Variants in LTBP1 observed in about 807,000 individuals in gnomAD.
LTBP1 encodes latent transforming growth factor beta binding protein 1.
LTBP1 carries 129 observed loss-of-function variants against 207.6 expected under a neutral mutation model. That is an observed-to-expected ratio of 0.62 (90% CI 0.54 to 0.72). The LOEUF (loss-of-function observed/expected upper bound fraction) is 0.72. Among genes scored for constraint, LTBP1 ranks in the 30% least tolerant of loss-of-function variants. The probability of loss-of-function intolerance (pLI) is 0.00; values close to 1 mark genes in which losing one functional copy is unlikely to be tolerated. For synonymous variants in LTBP1, 963 were observed against 833.7 expected (o/e 1.16, Z -2.67); for missense variants, 2,281 against 2,217.2 (o/e 1.03, Z -0.58).
intron 31 of LTBP1, among the ~76,000 whole-genome samples, chr2:33,384,400 G>A (rs781400006): frequency 5.3e-5 from 8 of 152,220 alleles, no homozygotes; most frequent in Non-Finnish European, 7.4e-5. Context: ...GCAGTGGGTC[G>A]GGGAGGGTCT....
chr2:33,398,638 G>A lies in LTBP1; in HGVS notation c.*93G>A. ...TACTTGAGACATTGCACCTACCCCGGAAGGCTGGAAATACAGAAACAGCAT... is the reference window on the plus strand; with the variant it reads ...TACTTGAGACATTGCACCTACCCCGAAAGGCTGGAAATACAGAAACAGCAT... On this transcript the variant is annotated 3_prime_UTR_variant, in exon 34 of 34. Transcript: ENST00000404816. The A allele has an allele frequency of 1.6e-6, 2 of 1,256,450 alleles. No individual in the cohort carries two copies. The highest frequency in any genetic ancestry group is 1.6e-5 in the South Asian group (1 of 60,936). The allele number at this position is 1,256,450 out of a possible 1,614,324, so 77.8% of individuals were successfully genotyped here. A position where few individuals can be genotyped will look rare whatever the true frequency, so the allele number is the denominator to read the frequency against.
At chr2:33,063,802 T>C (rs1447969713) in intron 3 of LTBP1, among the ~76,000 whole-genome samples, 6 of 152,136 alleles carry the variant, frequency 3.9e-5, no homozygotes, top group Admixed American at 3.9e-4. Context: ...GTTTTCAGTA[T>C]AGAGATTTCT....
intron 24 of LTBP1, among the ~76,000 whole-genome samples, chr2:33,329,798 T>G (rs1178146946): frequency 6.6e-6 from 1 of 152,138 alleles, no homozygotes; most frequent in Non-Finnish European, 1.5e-5. Flanking sequence ...ATAATAAATT[T>G]TAATGTTTTC....
intron 3 of LTBP1, among the ~76,000 whole-genome samples, chr2:33,032,168 T>C (rs1022373419): frequency 1.3e-5 from 2 of 152,234 alleles, no homozygotes; most frequent in African/African-American, 2.4e-5. Context: ...TCTTATCCTC[T>C]TTAGGAACAG....
intron 9 of LTBP1, among the ~76,000 whole-genome samples, chr2:33,239,503 A>G (rs1347888746): frequency 6.6e-6 from 1 of 152,210 alleles, no homozygotes; most frequent in Non-Finnish European, 1.5e-5. Context: ...TAGAGGGAGA[A>G]CAAGGAATAA....
chr2:33,004,843 TTG>T (rs1686594616), intron 2 of LTBP1, among the ~76,000 whole-genome samples: 1 of 145,378 alleles, frequency 6.9e-6, no homozygotes, highest in Non-Finnish European at 1.5e-5. Context: ...ATAGTATTTA[TTG>T]TGGCTAGTAT....
At chr2:32,952,428 A>G (rs1677284654) in intron 2 of LTBP1, among the ~76,000 whole-genome samples, 1 of 152,190 alleles carries the variant, frequency 6.6e-6, no homozygotes, top group Non-Finnish European at 1.5e-5. Context: ...CTAGGAATCG[A>G]AATTATCGTG....
intron 15 of LTBP1, among the ~76,000 whole-genome samples, chr2:33,266,951 T>C (rs1209525651): frequency 6.6e-6 from 1 of 152,206 alleles, no homozygotes; most frequent in Admixed American, 6.5e-5. Context: ...GAAGAAGAGC[T>C]GTGGCCCTTT....
intron 5 of LTBP1, among the ~76,000 whole-genome samples, chr2:33,184,471 A>G (rs1160370655): frequency 1.3e-5 from 2 of 152,192 alleles, no homozygotes; most frequent in African/African-American, 2.4e-5. Context: ...TTGTCTTCCT[A>G]AAATGCACTT....
At chr2:33,027,752 G>T (rs1040598497) in intron 3 of LTBP1, among the ~76,000 whole-genome samples, 1 of 152,100 alleles carries the variant, frequency 6.6e-6, no homozygotes, top group Non-Finnish European at 1.5e-5. Context: ...CAGGAGAATC[G>T]CTTGAACCCG....
chr2:33,256,043 G>A (rs79777624), intron 11 of LTBP1, among the ~76,000 whole-genome samples: 13 of 151,164 alleles, frequency 8.6e-5, no homozygotes, highest in African/African-American at 1.7e-4. Context: ...GGATTATGCC[G>A]TGGAGGTTAG....
intron 5 of LTBP1, among the ~76,000 whole-genome samples, chr2:33,151,679 G>T (rs2083534124): frequency 6.6e-6 from 1 of 152,002 alleles, no homozygotes; most frequent in African/African-American, 2.4e-5. Flanking sequence ...TGTCCTCATA[G>T]CTTAGCTCCC....
intron 7 of LTBP1, among the ~76,000 whole-genome samples, chr2:33,202,992 C>T (rs988669340): frequency 9.8e-5 from 15 of 152,366 alleles, no homozygotes; most frequent in Admixed American, 2.0e-4. Flanking sequence ...ACTTCCTATG[C>T]CATCTGGGCT....
intron 26 of LTBP1, among the ~76,000 whole-genome samples, chr2:33,355,670 A>C (rs1218469252): frequency 1.3e-5 from 2 of 150,676 alleles, no homozygotes; most frequent in African/African-American, 2.4e-5. Flanking sequence ...CTGCTTTTCC[A>C]CTCTAGAGTA....
intron 5 of LTBP1, among the ~76,000 whole-genome samples, chr2:33,161,555 C>T (rs1196286261): frequency 6.6e-6 from 1 of 152,218 alleles, no homozygotes; most frequent in Non-Finnish European, 1.5e-5. Context: ...GCGTGAGCCA[C>T]CACGCCCGGC....
At chr2:32,965,707 GTTTA>G (rs752954316) in intron 2 of LTBP1, among the ~76,000 whole-genome samples, 11 of 152,278 alleles carry the variant, frequency 7.2e-5, no homozygotes, top group Admixed American at 2.6e-4. Flanking sequence ...ATGTACCATA[GTTTA>G]TTTATCCATC....
intron 19 of LTBP1, among the ~76,000 whole-genome samples, chr2:33,283,196 G>A (rs2093595865): frequency 6.6e-6 from 1 of 151,870 alleles, no homozygotes; most frequent in Non-Finnish European, 1.5e-5. Flanking sequence ...GATGTCAGAT[G>A]TGATGCATGA....
intron 22 of LTBP1, 64 bp from the exon 23 acceptor site, chr2:33,309,370 G>T: frequency 8.6e-7 from 1 of 1,165,762 alleles, no homozygotes. Context: ...ACATGTAAGA[G>T]AAATGTCTAA....
chr2:33,222,935 A>T (rs1052260964), intron 9 of LTBP1, among the ~76,000 whole-genome samples: 5 of 152,188 alleles, frequency 3.3e-5, no homozygotes, highest in Non-Finnish European at 7.3e-5. Flanking sequence ...AGATGTTGTT[A>T]TTAGTAACTT....
Sources: allele counts gnomAD v4.1 joint callset (sites outside exome capture counted in the v4.1 genomes callset), GRCh38; gene constraint gnomAD v4.1.1; transcripts MANE v1.5; gene names NCBI Gene and HGNC (gene_info 2026-07-23, HGNC 2026-07-21).